The following FAM227A variants were observed in gnomAD, a reference collection of about 807,000 sequenced individuals.
FAM227A encodes the protein family with sequence similarity 227 member A, also known as protein FAM227A.
A neutral mutation model predicts 74.7 loss-of-function variants in FAM227A; 80 were observed. That is an observed-to-expected ratio of 1.07 (90% CI 0.89 to 1.29). The LOEUF (loss-of-function observed/expected upper bound fraction) is 1.29. Among genes scored for constraint, FAM227A ranks in the 50% most tolerant of loss-of-function variants. The probability of loss-of-function intolerance (pLI) is 0.00; values close to 1 mark genes in which losing one functional copy is unlikely to be tolerated. For missense variants in FAM227A, 654 were observed against 683.4 expected (o/e 0.96, Z 0.48); for synonymous variants, 237 against 241.8 (o/e 0.98, Z 0.19).
intron 1 of FAM227A, among the ~76,000 whole-genome samples, chr22:38,651,355 C>T (rs1483328958): frequency 6.6e-6 from 1 of 152,150 alleles, no homozygotes; most frequent in African/African-American, 2.4e-5. Flanking sequence ...TCCTTTTAGA[C>T]TTACCATGGT....
At position 38,629,052 on chromosome 22, in the gene FAM227A, C is replaced by A. The variant is rs183804455; in HGVS notation, c.520-117G>T. ...ACCTAATCTGTTAGTGAGGCCCTACCCAGGTAATTTTACATACTCTCATTT... is the reference window on the plus strand; with the variant it reads ...ACCTAATCTGTTAGTGAGGCCCTACACAGGTAATTTTACATACTCTCATTT... On this transcript the variant is annotated intron_variant, in intron 6 of 16. Coordinates refer to ENST00000535113, the MANE Select transcript of FAM227A (RefSeq NM_001013647.2). The A allele has an allele frequency of 1.4e-3, 918 of 633,572 alleles. 1 individual carries two copies. The highest frequency in any genetic ancestry group is 2.1e-3 in the Non-Finnish European group (770 of 364,406). 39.2% of individuals were successfully genotyped at this position (633,572 alleles called of 1,614,324 possible). A position where few individuals can be genotyped will look rare whatever the true frequency, so the allele number is the denominator to read the frequency against.
At chr22:38,597,092 T>A in intron 15 of FAM227A, 112 bp downstream of exon 15, 1 of 928,574 alleles carries the variant, frequency 1.1e-6, no homozygotes, top group Non-Finnish European at 1.7e-6. Flanking sequence ...ATTATGCTTA[T>A]GATGGTTACA....
intron 11 of FAM227A, among the ~76,000 whole-genome samples, chr22:38,614,619 C>T (rs2091537842): frequency 6.6e-6 from 1 of 152,094 alleles, no homozygotes; most frequent in Admixed American, 6.6e-5. Flanking sequence ...AGGCTCTATC[C>T]CCACCACAAA....
At chr22:38,599,984 C>A in intron 13 of FAM227A, 63 bp from the exon 14 acceptor site, 2 of 1,404,434 alleles carry the variant, frequency 1.4e-6, no homozygotes, top group South Asian at 1.5e-5. Context: ...GTATTAAGAA[C>A]CAGAAAGGCA....
At chr22:38,593,938 C>A (rs1157278592) in intron 15 of FAM227A, among the ~76,000 whole-genome samples, 1 of 152,100 alleles carries the variant, frequency 6.6e-6, no homozygotes, top group African/African-American at 2.4e-5. Context: ...ATGATCCACC[C>A]GCCTCGGCCT....
intron 3 of FAM227A, among the ~76,000 whole-genome samples, chr22:38,641,633 A>C (rs979912233): frequency 1.3e-5 from 2 of 151,702 alleles, no homozygotes; most frequent in African/African-American, 4.8e-5. Flanking sequence ...CTCAAAGAGT[A>C]CATCTTCATC....
intron 6 of FAM227A, 45 bp downstream of exon 6, chr22:38,636,406 C>T (rs1409629949): frequency 7.8e-6 from 12 of 1,541,126 alleles, no homozygotes; most frequent in African/African-American, 1.4e-5. Flanking sequence ...GCTGCATTTG[C>T]CCCATGGGTT....
intron 11 of FAM227A, among the ~76,000 whole-genome samples, chr22:38,618,798 C>T (rs183798882): frequency 1.1e-4 from 16 of 152,236 alleles, no homozygotes; most frequent in Admixed American, 1.0e-3. Flanking sequence ...GTCCTAAAGT[C>T]TCTATCGCAA....
intron 1 of FAM227A, among the ~76,000 whole-genome samples, chr22:38,651,146 G>C (rs909685472): frequency 6.6e-6 from 1 of 152,070 alleles, no homozygotes; most frequent in African/African-American, 2.4e-5. Flanking sequence ...TGCCTTTCCA[G>C]ATGTGGTTCC....
At chr22:38,632,941 T>A (rs1474254536) in intron 6 of FAM227A, among the ~76,000 whole-genome samples, 1 of 152,190 alleles carries the variant, frequency 6.6e-6, no homozygotes, top group Admixed American at 6.5e-5. Flanking sequence ...GATGAGAACA[T>A]GAAGCCAGCA....
intron 5 of FAM227A, 115 bp downstream of exon 5, chr22:38,638,630 AT>A (rs1368569041): frequency 1.3e-6 from 1 of 766,334 alleles, no homozygotes; most frequent in Non-Finnish European, 2.2e-6. Flanking sequence ...GAGCTCTGCG[AT>A]TTTTCCTTCA....
chr22:38,645,394 A>G (rs2092215055), intron 3 of FAM227A, among the ~76,000 whole-genome samples, 169 bp downstream of exon 3: 1 of 152,224 alleles, frequency 6.6e-6, no homozygotes, highest in Non-Finnish European at 1.5e-5. Flanking sequence ...CATCTCAAAA[A>G]AAAATAAAAA....
At chr22:38,649,914 G>A in intron 2 of FAM227A, 113 bp downstream of exon 2, 1 of 930,436 alleles carries the variant, frequency 1.1e-6, no homozygotes, top group South Asian at 1.8e-5. Flanking sequence ...ATGTATAAGG[G>A]ACAAGCTAAT....
In FAM227A at chr22:38,578,731, T is replaced by A. The variant is rs2090682176; in HGVS notation, c.*7394A>T. 6.6e-6 allele frequency: 1 copy of A among 152,184 alleles called. No homozygotes were observed. Among genetic ancestry groups the A allele is most frequent in the Non-Finnish European group, 1.5e-5 (1 of 68,080 alleles). 9.4% of individuals were successfully genotyped at this position (152,184 alleles called of 1,614,324 possible). A position where few individuals can be genotyped will look rare whatever the true frequency, so the allele number is the denominator to read the frequency against. ...GGCCCTTAGCTTGGGGCTGGATCAGTGAGGATTTGTCAATCGGGCAGGGCG... is the reference window on the plus strand; with the variant it reads ...GGCCCTTAGCTTGGGGCTGGATCAGAGAGGATTTGTCAATCGGGCAGGGCG... On this transcript the variant is annotated 3_prime_UTR_variant, in exon 17 of 17. Coordinates refer to ENST00000535113, the MANE Select transcript of FAM227A (RefSeq NM_001013647.2).
intron 6 of FAM227A, among the ~76,000 whole-genome samples, chr22:38,629,166 T>A (rs2091868250): frequency 6.6e-6 from 1 of 152,186 alleles, no homozygotes; most frequent in African/African-American, 2.4e-5. Context: ...GAGCCAGGAC[T>A]GGAACCCACA....
Position 38,582,178 on chromosome 22 carries a change from C to A in FAM227A, c.*3947G>T, listed in dbSNP as rs932819794. 2 of 645,586 alleles carry A rather than the reference C, an allele frequency of 3.1e-6. No homozygotes were observed. The highest frequency in any genetic ancestry group is 2.6e-6 in the Non-Finnish European group (1 of 377,858). The allele number at this position is 645,586 out of a possible 1,614,324, so 40.0% of individuals were successfully genotyped here. A position where few individuals can be genotyped will look rare whatever the true frequency, so the allele number is the denominator to read the frequency against. ...AGATAGTAGACATATCTGTCACCCC[C>A]AAAAGTTTATTTGGGCCTCTTTGTA... On this transcript the variant is annotated 3_prime_UTR_variant, in exon 17 of 17. Coordinates refer to ENST00000535113, the MANE Select transcript of FAM227A (RefSeq NM_001013647.2).
Position 38,582,910 on chromosome 22 carries a change from G to A in FAM227A, c.*3215C>T. On this transcript the variant is annotated 3_prime_UTR_variant, in exon 17 of 17. Coordinates refer to ENST00000535113, the MANE Select transcript of FAM227A (RefSeq NM_001013647.2). ...GGCTCCCAAGATGAGGGACGTCTAA[G>A]CGGGGTCCTGGAGGAAGAGCAGGAA... is the stretch of plus-strand genomic sequence containing the variant. The A allele has an allele frequency of 6.4e-7, 1 of 1,550,544 alleles. No homozygotes were observed. Among genetic ancestry groups the A allele is most frequent in the Non-Finnish European group, 8.7e-7 (1 of 1,146,984 alleles).
intron 13 of FAM227A, among the ~76,000 whole-genome samples, chr22:38,603,839 G>A (rs556709526): frequency 3.8e-4 from 58 of 152,258 alleles, no homozygotes; most frequent in Non-Finnish European, 7.8e-4. Context: ...TGGTGATACT[G>A]GGGGGTTATG....
intron 3 of FAM227A, among the ~76,000 whole-genome samples, chr22:38,641,237 G>A (rs2145681228): frequency 6.6e-6 from 1 of 152,214 alleles, no homozygotes; most frequent in South Asian, 2.1e-4. Context: ...CTACAAGCAG[G>A]GCTGTTCTCC....
Sources: allele counts gnomAD v4.1 joint callset (sites outside exome capture counted in the v4.1 genomes callset), GRCh38; gene constraint gnomAD v4.1.1; transcripts MANE v1.5; gene names NCBI Gene and HGNC (gene_info 2026-07-23, HGNC 2026-07-21).